EPC1: variants seen among roughly 807,000 people sequenced by gnomAD.
EPC1 encodes the protein enhancer of polycomb 1.
In EPC1, 12 loss-of-function variants were observed where a neutral mutation model predicts 98.4. The observed-to-expected ratio is 0.12, with a 90% CI of 0.08 to 0.20. The LOEUF is 0.20. EPC1 is among the 10% of genes least tolerant of loss of function. EPC1 has a pLI of 1.00. For missense variants in EPC1, 729 were observed against 990.5 expected (o/e 0.74, Z 3.54); for synonymous variants, 357 against 363.9 (o/e 0.98, Z 0.21).
chr10:32,351,794 G>A (rs1157725192), upstream of EPC1, among the ~76,000 whole-genome samples: 131 of 136,740 alleles, frequency 9.6e-4, no homozygotes, highest in East Asian at 5.4e-3. Context: ...GCAGTGGCGT[G>A]ATCTCGGCTC....
Position 32,285,070 on chromosome 10 carries a change from G to A in EPC1, c.1392-20C>T, listed in dbSNP as rs1836608914. The stretch of plus-strand genomic sequence containing the variant: ...AAGACCCTATTAAAAAATCAGACAA[G>A]AAACAGTTATTTAAAATAGCTATTC... On this transcript the variant is annotated intron_variant, in intron 9 of 13. Transcript: ENST00000319778. 6.4e-7 allele frequency: 1 copy of A among 1,570,950 alleles called. No individual in the cohort carries two copies. The highest frequency in any genetic ancestry group is 1.4e-5 in the African/African-American group (1 of 73,322).
At chr10:32,294,608 C>A (rs1030268453) in intron 2 of EPC1, among the ~76,000 whole-genome samples, 1 of 152,182 alleles carries the variant, frequency 6.6e-6, no homozygotes. Context: ...TGTTTCTCTA[C>A]GCGAACACTG....
rs552904414 is a variant in EPC1 at position 32,293,551 on chromosome 10, T to A, written c.459+41A>T. The A allele has an allele frequency of 1.3e-5, 21 of 1,571,714 alleles. No individual in the cohort carries two copies. In the South Asian group the frequency reaches 2.3e-4, roughly 17 times the overall value. ...TTTCCATACAATACAGTTCTTTACA[T>A]AGAATATGTATATACTTGTTATATA... On this transcript the variant is annotated intron_variant, in intron 3 of 13. Coordinates refer to ENST00000319778, the MANE Select transcript of EPC1 (RefSeq NM_001272004.3).
chr10:32,345,012 T>C, intron 1 of EPC1: 1 of 431,182 alleles, frequency 2.3e-6, no homozygotes, highest in Non-Finnish European at 3.1e-6. Flanking sequence ...GAACAAGAAT[T>C]ACAAATTAAT....
chr10:32,305,399 C>G (rs748359549), intron 2 of EPC1, among the ~76,000 whole-genome samples: 3 of 152,200 alleles, frequency 2.0e-5, no homozygotes, highest in Non-Finnish European at 4.4e-5. Flanking sequence ...CAATCTGACC[C>G]TGTACAGAAA....
intron 2 of EPC1, among the ~76,000 whole-genome samples, chr10:32,295,398 G>C (rs965657583): frequency 6.6e-6 from 1 of 152,120 alleles, no homozygotes; most frequent in African/African-American, 2.4e-5. Context: ...TGGTACAGTT[G>C]AATGTATTAT....
chr10:32,281,905 A>T (rs1592541948), intron 10 of EPC1: 1 of 152,286 alleles, frequency 6.6e-6, no homozygotes, highest in South Asian at 2.1e-4. Flanking sequence ...TCCTGACCTC[A>T]GGTGATCTGC....
In EPC1 at chr10:32,373,241, C is replaced by T. The variant is rs957992844; in HGVS notation, c.3+5250G>A. On this transcript the variant is annotated intron_variant, in intron 1 of 13. Coordinates refer to the EPC1 transcript ENST00000375110. ...CTGCAAAATGGGTATAATGATTGCC[C>T]TATTTCCTAATTTTGTGTGAAGATT... is the stretch of plus-strand genomic sequence containing the variant. Among the ~76,000 whole-genome samples the T allele has an allele frequency of 1.7e-4, 26 of 152,206 alleles. No individual in the cohort carries two copies. In the East Asian group the frequency reaches 5.0e-3, roughly 29 times the overall value.
chr10:32,291,057 G>T, intron 6 of EPC1, 106 bp downstream of exon 6: 1 of 1,042,588 alleles, frequency 9.6e-7, no homozygotes. Flanking sequence ...GATTACAGGC[G>T]TGAGCCACTG....
intron 1 of EPC1, among the ~76,000 whole-genome samples, chr10:32,375,838 T>A (rs1192420917): frequency 6.6e-6 from 1 of 152,016 alleles, no homozygotes; most frequent in Non-Finnish European, 1.5e-5. Context: ...ACTGTTACCA[T>A]GAAAGACTGA....
chr10:32,294,514 T>C (rs945108188), intron 2 of EPC1, among the ~76,000 whole-genome samples: 18 of 152,202 alleles, frequency 1.2e-4, no homozygotes, highest in Non-Finnish European at 2.1e-4. Flanking sequence ...ACATTGGTGC[T>C]CAAAAATTTC....
chr10:32,325,783 G>GGT (rs556658855), intron 1 of EPC1, among the ~76,000 whole-genome samples: 2 of 51,198 alleles, frequency 3.9e-5, no homozygotes, highest in Admixed American at 2.2e-4. Context: ...CCGGTTTTTT[G>GGT]GTGTTTTTTT....
At chr10:32,306,326 T>C (rs1433628623) in intron 1 of EPC1, among the ~76,000 whole-genome samples, 1 of 152,232 alleles carries the variant, frequency 6.6e-6, no homozygotes, top group Non-Finnish European at 1.5e-5. Context: ...CTTATTCATG[T>C]AATACTTCAT....
intron 10 of EPC1, among the ~76,000 whole-genome samples, chr10:32,273,593 T>C (rs921961162): frequency 6.6e-6 from 1 of 152,162 alleles, no homozygotes; most frequent in Admixed American, 6.6e-5. Flanking sequence ...CTACACAGTG[T>C]AGAAAGATAA....
At position 32,273,139 on chromosome 10, in the gene EPC1, T is replaced by C. The variant is rs200969067; in HGVS notation, c.1863+24A>G. 417 of 1,614,096 alleles carry C rather than the reference T, an allele frequency of 2.6e-4. 6 individuals are homozygous for C. The Admixed American group carries it at 6.5e-3, about 25-fold the overall frequency. On this transcript the variant is annotated intron_variant, in intron 11 of 13. Coordinates refer to ENST00000319778, the MANE Select transcript of EPC1 (RefSeq NM_001272004.3). Reference sequence around the variant, plus strand: ...TCTGGTGGGAAACAATGAGGGATAATCATAAGACAGACAAATCCCTCACCT... The same window carrying C: ...TCTGGTGGGAAACAATGAGGGATAACCATAAGACAGACAAATCCCTCACCT...
chr10:32,319,738 G>A (rs190229822), intron 1 of EPC1, among the ~76,000 whole-genome samples: 180 of 152,214 alleles, frequency 1.2e-3, no homozygotes, highest in Middle Eastern at 0.01. Flanking sequence ...GTGCAGTGGC[G>A]CAATCTCGGC....
chr10:32,291,469 T>C (rs1018698411), intron 5 of EPC1, 147 bp from the exon 6 acceptor site: 46 of 619,262 alleles, frequency 7.4e-5, no homozygotes, highest in Non-Finnish European at 1.0e-4. Flanking sequence ...TGTGTGTATA[T>C]GTGGTGAGAT....
intron 1 of EPC1, among the ~76,000 whole-genome samples, chr10:32,324,014 C>T (rs888668146): frequency 4.6e-5 from 7 of 152,116 alleles, no homozygotes; most frequent in Non-Finnish European, 1.0e-4. Context: ...CGGCTCACTG[C>T]AAGCTCCGCC....
intron 10 of EPC1, among the ~76,000 whole-genome samples, chr10:32,274,695 G>A (rs989176588): frequency 5.9e-5 from 9 of 151,892 alleles, no homozygotes; most frequent in South Asian, 2.1e-4. Context: ...TACTATGTTC[G>A]TAATTCACAA....
Sources: gnomAD v4.1 joint callset for allele counts (sites outside exome capture counted in the v4.1 genomes callset) on GRCh38, gnomAD v4.1.1 for gene constraint, MANE v1.5 for transcripts, NCBI Gene and HGNC (gene_info 2026-07-23, HGNC 2026-07-21) for gene names.